KCNH1: variants seen among roughly 807,000 people sequenced by gnomAD.
The protein encoded by KCNH1 is potassium voltage-gated channel subfamily H member 1, also known as voltage-gated delayed rectifier potassium channel KCNH1.
KCNH1 carries 27 observed loss-of-function variants against 69.2 expected under a neutral mutation model. That is an observed-to-expected ratio of 0.39 (90% CI 0.29 to 0.54). The LOEUF (loss-of-function observed/expected upper bound fraction) is 0.54, where lower values mean the gene tolerates loss of function less well. Among genes scored for constraint, KCNH1 ranks in the 20% least tolerant of loss-of-function variants. KCNH1 has a pLI of 0.68. For missense variants in KCNH1, 798 were observed against 1,261.6 expected (o/e 0.63, Z 5.57); for synonymous variants, 456 against 487.7 (o/e 0.93, Z 0.86).
chr1:211,124,330 AC>A (rs975461204), intron 1 of KCNH1, among the ~76,000 whole-genome samples: 2 of 151,896 alleles, frequency 1.3e-5, no homozygotes, highest in African/African-American at 4.8e-5. Context: ...CACCAAATTC[AC>A]CCCCATGACT....
At position 210,740,827 on chromosome 1, in the gene KCNH1, A is replaced by T. The variant is rs530551697; in HGVS notation, c.2112+34521T>A. On this transcript the variant is annotated intron_variant, in intron 10 of 10. Coordinates refer to ENST00000271751, the MANE Select transcript of KCNH1 (RefSeq NM_172362.3). ...AATGTAAAAACAGAGAGTGAGAAGG[A>T]AGAGGAGGGAGGAAAGGACGGAGAA... Among the ~76,000 whole-genome samples, 11 of 151,752 alleles carry T rather than the reference A, an allele frequency of 7.2e-5. 1 individual carries two copies. The South Asian group carries it at 2.1e-3, about 29-fold the overall frequency.
chr1:210,791,047 A>G (rs954926582), intron 9 of KCNH1, among the ~76,000 whole-genome samples: 1 of 152,064 alleles, frequency 6.6e-6, no homozygotes, highest in African/African-American at 2.4e-5. Context: ...AGAATGCCCT[A>G]CCTCAACTGT....
intron 3 of KCNH1, among the ~76,000 whole-genome samples, chr1:211,102,322 T>C (rs1691272089): frequency 6.6e-6 from 1 of 152,148 alleles, no homozygotes; most frequent in Non-Finnish European, 1.5e-5. Flanking sequence ...AAAGCCACGG[T>C]TGGTATGCTT....
chr1:210,886,386 C>T (rs1361815544), intron 7 of KCNH1, among the ~76,000 whole-genome samples: 3 of 152,042 alleles, frequency 2.0e-5, no homozygotes, highest in Non-Finnish European at 4.4e-5. Flanking sequence ...AAATCCCATT[C>T]GAAGGTCACC....
chr1:211,017,964 G>C (rs532791456), intron 6 of KCNH1, among the ~76,000 whole-genome samples: 3 of 152,192 alleles, frequency 2.0e-5, no homozygotes, highest in Non-Finnish European at 2.9e-5. Context: ...CTCTCTGGGG[G>C]AAGTGGGGTG....
At chr1:210,820,495 A>T (rs1684906941) in intron 7 of KCNH1, among the ~76,000 whole-genome samples, 1 of 152,072 alleles carries the variant, frequency 6.6e-6, no homozygotes, top group Admixed American at 6.6e-5. Flanking sequence ...TTAGCCAGGC[A>T]TGGTGGCACA....
chr1:211,119,125 C>T (rs1317123332), intron 1 of KCNH1, among the ~76,000 whole-genome samples: 2 of 152,154 alleles, frequency 1.3e-5, no homozygotes. Context: ...CTTTGGGAGG[C>T]CGAGGCAGGC....
intron 7 of KCNH1, among the ~76,000 whole-genome samples, chr1:210,879,177 C>T (rs541690482): frequency 6.6e-6 from 1 of 152,124 alleles, no homozygotes; most frequent in South Asian, 2.1e-4. Context: ...CACCAGTGAA[C>T]TCTATCAAAC....
At chr1:211,070,470 T>C (rs1466929165) in intron 5 of KCNH1, among the ~76,000 whole-genome samples, 3 of 125,334 alleles carry the variant, frequency 2.4e-5, no homozygotes, top group Non-Finnish European at 5.2e-5. Context: ...AACAAACAAA[T>C]CCAGTCATAT....
In KCNH1 at chr1:211,133,325, C is replaced by A. The variant is rs1205487420; in HGVS notation, c.79+542G>T. Reference sequence around the variant, plus strand: ...GGGTGGGTGAAGGGGTGGAATCAGGCCGCCGAGAGCACGTCCCGACACCTC... The same window carrying A: ...GGGTGGGTGAAGGGGTGGAATCAGGACGCCGAGAGCACGTCCCGACACCTC... On this transcript the variant is annotated intron_variant, in intron 1 of 10. Coordinates refer to ENST00000271751, the MANE Select transcript of KCNH1 (RefSeq NM_172362.3). This position sits in a 1 kb window ranked among gnomAD's most constrained non-coding sequence, Gnocchi z 5.4. 6.6e-6 allele frequency: 1 copy of A among 152,232 alleles called. No homozygotes were observed. The highest frequency in any genetic ancestry group is 1.5e-5 in the Non-Finnish European group (1 of 68,096). 9.4% of individuals were successfully genotyped at this position (152,232 alleles called of 1,614,324 possible).
At chr1:210,774,859 A>T (rs1683831007) in intron 10 of KCNH1, among the ~76,000 whole-genome samples, 2 of 152,160 alleles carry the variant, frequency 1.3e-5, no homozygotes, top group Admixed American at 1.3e-4. Context: ...AACAAATTCC[A>T]TGTCTCTCTT....
chr1:211,112,410 T>G (rs1691489061), intron 1 of KCNH1, among the ~76,000 whole-genome samples: 1 of 151,280 alleles, frequency 6.6e-6, no homozygotes, highest in African/African-American at 2.4e-5. Flanking sequence ...TGTGCAACTC[T>G]CCAAGTATGA....
intron 6 of KCNH1, among the ~76,000 whole-genome samples, chr1:210,959,213 A>G (rs1230649176): frequency 6.6e-6 from 1 of 152,198 alleles, no homozygotes; most frequent in African/African-American, 2.4e-5. Flanking sequence ...GGTCCACTCC[A>G]GACCCTGTAT....
intron 6 of KCNH1, among the ~76,000 whole-genome samples, chr1:211,012,937 A>G (rs770975835): frequency 2.6e-5 from 4 of 152,184 alleles, no homozygotes; most frequent in Non-Finnish European, 5.9e-5. Context: ...TATAAACTAA[A>G]ACAGCTCTAA....
rs111546432 is a variant in KCNH1 at position 210,683,884 on chromosome 1, G to A, written c.2367C>T (p.Thr789=). 2.4e-5 allele frequency: 39 copies of A among 1,614,000 alleles called. No individual in the cohort carries two copies. The highest frequency in any genetic ancestry group is 2.3e-4 in the Admixed American group (14 of 60,028). ...CGGGCGTGGCAGGACTCTCACGCACGGTGACCACGCTGGCCTTCACGAGGC... is the reference window on the plus strand; with the variant it reads ...CGGGCGTGGCAGGACTCTCACGCACAGTGACCACGCTGGCCTTCACGAGGC... ...NHSLVKASVV[T]VRESPATPVS... Residue 789 remains threonine, a synonymous_variant, in exon 11 of 11, where the codon ACC becomes ACT. Transcript: ENST00000271751. This position sits in a 1 kb window ranked among gnomAD's most constrained non-coding sequence, Gnocchi z 5.7.
chr1:210,692,330 C>T (rs1402669682), intron 10 of KCNH1, among the ~76,000 whole-genome samples: 17 of 152,152 alleles, frequency 1.1e-4, no homozygotes, highest in Non-Finnish European at 2.5e-4. Context: ...GGTCCAAACC[C>T]AAAACAGATG....
chr1:210,756,189 C>T (rs911922129), intron 10 of KCNH1, among the ~76,000 whole-genome samples: 6 of 152,120 alleles, frequency 3.9e-5, no homozygotes, highest in African/African-American at 1.4e-4. Context: ...CTGGAGAAAC[C>T]CTCCCCCTGC....
At chr1:211,039,554 G>A (rs1260785676) in intron 5 of KCNH1, among the ~76,000 whole-genome samples, 3 of 152,196 alleles carry the variant, frequency 2.0e-5, no homozygotes, top group East Asian at 1.9e-4. Flanking sequence ...GAGGGAGGCT[G>A]TACCCTGCAA....
chr1:210,867,302 CCTACA>C (rs1379785154), intron 7 of KCNH1, among the ~76,000 whole-genome samples: 2 of 150,738 alleles, frequency 1.3e-5, no homozygotes, highest in Non-Finnish European at 3.0e-5. Flanking sequence ...TCCACACACA[CCTACA>C]CATAGAATTA....
Sources: gnomAD v4.1 joint callset for allele counts (sites outside exome capture counted in the v4.1 genomes callset) on GRCh38, gnomAD v4.1.1 for gene constraint, Gnocchi (gnomAD v3.1) non-coding constraint, MANE v1.5 for transcripts, NCBI Gene and HGNC (gene_info 2026-07-23, HGNC 2026-07-21) for gene names.